The following UMODL1 variants were observed in gnomAD, a reference collection of about 807,000 sequenced individuals.
The protein encoded by UMODL1 is uromodulin-like 1.
A neutral mutation model predicts 136.3 loss-of-function variants in UMODL1; 128 were observed. That is an observed-to-expected ratio of 0.94 (90% CI 0.81 to 1.09). The LOEUF (loss-of-function observed/expected upper bound fraction) is 1.09, where lower values mean the gene tolerates loss of function less well. Among genes scored for constraint, UMODL1 ranks in the 50% least tolerant of loss-of-function variants. The pLI is 0.00. For missense variants in UMODL1, 1,766 were observed against 1,725.6 expected (o/e 1.02, Z -0.41); for synonymous variants, 721 against 720.0 (o/e 1.00, Z -0.02).
At chr21:42,124,991 G>A (rs2067033135) in intron 17 of UMODL1, among the ~76,000 whole-genome samples, 2 of 152,302 alleles carry the variant, frequency 1.3e-5, no homozygotes, top group South Asian at 4.1e-4. Context: ...CCGAGAAGCA[G>A]CCCCGTCCCT....
chr21:42,070,100 CAG>C (rs2066216783), upstream of UMODL1, among the ~76,000 whole-genome samples: 1 of 152,170 alleles, frequency 6.6e-6, no homozygotes, highest in African/African-American at 2.4e-5. Context: ...TTCATCATCT[CAG>C]AGATTAATCT....
rs562944809 is a variant in UMODL1 at position 42,104,479 on chromosome 21, C to T, written c.1519+392C>T. 4.8e-4 allele frequency among the ~76,000 whole-genome samples: 71 copies of T among 147,148 alleles called. 1 individual carries two copies. The highest frequency in any genetic ancestry group is 1.7e-3 in the African/African-American group (66 of 39,650). ...TCTTTTTTTTTTTAAGACAGAGTTTCGCTCTTGTTGCCCAGGCTGGAGTGC... is the reference window on the plus strand; with the variant it reads ...TCTTTTTTTTTTTAAGACAGAGTTTTGCTCTTGTTGCCCAGGCTGGAGTGC... On this transcript the variant is annotated intron_variant, in intron 9 of 22. Transcript: ENST00000408910.
chr21:42,137,530 C>T lies in UMODL1; in HGVS notation c.3867C>T (p.Thr1289=), dbSNP rs2067221950. 1 of 1,614,094 alleles carries T rather than the reference C, an allele frequency of 6.2e-7. No homozygotes were observed. The highest frequency in any genetic ancestry group is 8.5e-7 in the Non-Finnish European group (1 of 1,180,046). ...TCGTGCTGGTGGCGGGAACAGCCAC[C>T]CTTCTGATCGTGCGCTACCAGAGAA... The part of the protein sequence containing the change: ...AIFVLVAGTA[T]LLIVRYQRMN... The change falls in exon 22 of 23, where the codon ACC becomes ACT. Residue 1289 remains threonine (T), a synonymous_variant. Transcript: ENST00000408910.
At chr21:42,087,188 T>G (rs1002914960) in intron 4 of UMODL1, among the ~76,000 whole-genome samples, 2 of 152,162 alleles carry the variant, frequency 1.3e-5, no homozygotes, top group Non-Finnish European at 2.9e-5. Context: ...CATTACCCCC[T>G]GCAGAAGCGC....
In UMODL1 at chr21:42,076,086, C is replaced by T. The variant is rs766102738; in HGVS notation, c.158C>T (p.Thr53Met). 9 of 1,614,152 alleles carry T rather than the reference C, an allele frequency of 5.6e-6. No homozygotes were observed. The highest frequency in any genetic ancestry group is 1.7e-5 in the Admixed American group (1 of 60,018). ...GTACAGAAGGTGGAGGCCGTGCAGA[C>T]GTCCTACACGTCCTATGTGTCCTGC... ...HTVQKVEAVQ[T>M]SYTSYVSCGG... Residue 53 changes from threonine (T) to methionine (M), a missense_variant, in exon 2 of 23, where the codon ACG becomes ATG. Transcript: ENST00000408910.
intron 7 of UMODL1, among the ~76,000 whole-genome samples, chr21:42,101,182 C>T (rs968993780): frequency 9.9e-5 from 15 of 151,746 alleles, no homozygotes; most frequent in Admixed American, 2.6e-4. Context: ...CCTGTGACAC[C>T]GGGAGGCAGC....
In UMODL1 at chr21:42,123,216, C is replaced by A; in HGVS notation, c.3147+66C>A. ...GCAAGGGGCTCTAGGTTACATGGGCCTCGATGTGGGAGGGCCAGGCAAGAC... is the reference window on the plus strand; with the variant it reads ...GCAAGGGGCTCTAGGTTACATGGGCATCGATGTGGGAGGGCCAGGCAAGAC... On this transcript the variant is annotated intron_variant, in intron 17 of 22. Coordinates refer to ENST00000408910, the MANE Select transcript of UMODL1 (RefSeq NM_001004416.3). This position sits in a 1 kb window ranked among gnomAD's most constrained non-coding sequence, Gnocchi z 4.4. 1 of 1,521,306 alleles carries A rather than the reference C, an allele frequency of 6.6e-7. No individual in the cohort carries two copies. The highest frequency in any genetic ancestry group is 8.9e-7 in the Non-Finnish European group (1 of 1,127,662). 94.2% of individuals were successfully genotyped at this position (1,521,306 alleles called of 1,614,324 possible). A position where few individuals can be genotyped will look rare whatever the true frequency, so the allele number is the denominator to read the frequency against.
chr21:42,137,524 A>C lies in UMODL1; in HGVS notation c.3861A>C (p.Thr1287=). ...CCATCTTCGTGCTGGTGGCGGGAAC[A>C]GCCACCCTTCTGATCGTGCGCTACC... ...VVAIFVLVAG[T]ATLLIVRYQR... The change falls in exon 22 of 23, where the codon ACA becomes ACC. Residue 1287 remains threonine, a synonymous_variant. Coordinates refer to ENST00000408910, the MANE Select transcript of UMODL1 (RefSeq NM_001004416.3). 6.2e-7 allele frequency: 1 copy of C among 1,614,244 alleles called. No individual in the cohort carries two copies.
chr21:42,117,704 A>G (rs1371880466), intron 14 of UMODL1, among the ~76,000 whole-genome samples: 1 of 152,216 alleles, frequency 6.6e-6, no homozygotes, highest in East Asian at 1.9e-4. Context: ...GCCTTTGGGA[A>G]CGGCCTAGCT....
chr21:42,107,136 G>A (rs1382420627), intron 9 of UMODL1, among the ~76,000 whole-genome samples: 5 of 152,216 alleles, frequency 3.3e-5, no homozygotes, highest in South Asian at 2.1e-4. Flanking sequence ...CTAACAGCAC[G>A]GCCCCTATTC....
At chr21:42,064,021 A>G (rs1297847307) in intron 1 of UMODL1, among the ~76,000 whole-genome samples, 2 of 152,112 alleles carry the variant, frequency 1.3e-5, no homozygotes, top group South Asian at 2.1e-4. Flanking sequence ...ATGTGTGTCA[A>G]TCTGAAATAA....
chr21:42,075,984 T>G, intron 1 of UMODL1, 21 bp from the exon 2 acceptor site: 1 of 1,611,154 alleles, frequency 6.2e-7, no homozygotes, highest in African/African-American at 1.3e-5. Context: ...CTCAGTCGCC[T>G]TCTTGCTTGG....
rs531652727 is a variant in UMODL1 at position 42,112,624 on chromosome 21, C to G, written c.2104+914C>G. 4.6e-5 allele frequency among the ~76,000 whole-genome samples: 7 copies of G among 151,492 alleles called. No individual in the cohort carries two copies. In the South Asian group the frequency reaches 1.3e-3, roughly 27 times the overall value. ...TCCCCAGCTCTTCTGTATCTCCCCA[C>G]TGTTCTGCACCTCCATAGGTGTTCT... is the stretch of plus-strand genomic sequence containing the variant. On this transcript the variant is annotated intron_variant, in intron 12 of 22. Coordinates refer to ENST00000408910, the MANE Select transcript of UMODL1 (RefSeq NM_001004416.3).
chr21:42,092,857 A>T (rs1601201439), intron 6 of UMODL1, among the ~76,000 whole-genome samples: 2 of 150,984 alleles, frequency 1.3e-5, no homozygotes, highest in African/African-American at 2.4e-5. Context: ...CCTTAAGCTC[A>T]TTTTTTTTTT....
chr21:42,089,689 T>C (rs2066467617), intron 5 of UMODL1, among the ~76,000 whole-genome samples: 2 of 152,246 alleles, frequency 1.3e-5, no homozygotes, highest in South Asian at 4.1e-4. Context: ...TCAATACATC[T>C]AAGCAAAAGA....
intron 9 of UMODL1, among the ~76,000 whole-genome samples, chr21:42,106,868 A>T (rs2066728298): frequency 6.6e-6 from 1 of 152,194 alleles, no homozygotes; most frequent in Non-Finnish European, 1.5e-5. Flanking sequence ...TTACAGCAAC[A>T]TCCCACCTCC....
chr21:42,093,907 C>T (rs914538084), intron 6 of UMODL1: 3 of 456,752 alleles, frequency 6.6e-6, no homozygotes, highest in Middle Eastern at 3.3e-4. Flanking sequence ...CTTCGCGCCA[C>T]GTCCACATCC....
upstream of UMODL1, among the ~76,000 whole-genome samples, chr21:42,070,640 C>T (rs961080819): frequency 7.2e-5 from 11 of 152,118 alleles, no homozygotes; most frequent in Admixed American, 5.9e-4. Context: ...TTTCAACGCC[C>T]GTGTAATGCT....
At chr21:42,067,223 C>T (rs187253268), upstream of UMODL1, among the ~76,000 whole-genome samples, 1 of 152,212 alleles carries the variant, frequency 6.6e-6, no homozygotes, top group East Asian at 1.9e-4. Context: ...CCACCCCCCA[C>T]CCCTCCCAAA....
Sources: allele counts gnomAD v4.1 joint callset (sites outside exome capture counted in the v4.1 genomes callset), GRCh38; gene constraint gnomAD v4.1.1; non-coding constraint Gnocchi (gnomAD v3.1); transcripts MANE v1.5; gene names NCBI Gene and HGNC (gene_info 2026-07-23, HGNC 2026-07-21).